The following OLFM3 variants were observed in gnomAD, a reference collection of about 807,000 sequenced individuals.
OLFM3 encodes olfactomedin 3, also known as noelin-3.
OLFM3 carries 20 observed loss-of-function variants against 48.6 expected under a neutral mutation model. The ratio of observed to expected loss-of-function variants is 0.41; its 90% CI spans 0.29 to 0.60. The LOEUF (loss-of-function observed/expected upper bound fraction) is 0.60, where lower values mean the gene tolerates loss of function less well. Ranked by LOEUF, OLFM3 falls within the 20% of genes least tolerant of loss-of-function variation. OLFM3 has a pLI of 0.28. For synonymous variants in OLFM3, 222 were observed against 198.1 expected (o/e 1.12, Z -1.01); for missense variants, 437 against 544.3 (o/e 0.80, Z 1.96).
intron 1 of OLFM3, among the ~76,000 whole-genome samples, chr1:101,894,209 A>T (rs1658109314): frequency 6.6e-6 from 1 of 152,168 alleles, no homozygotes; most frequent in African/African-American, 2.4e-5. Context: ...CAATTTTTTT[A>T]AAAGTTGACA....
intron 1 of OLFM3, among the ~76,000 whole-genome samples, chr1:101,864,585 T>A (rs1055815707): frequency 2.0e-5 from 3 of 152,228 alleles, no homozygotes; most frequent in African/African-American, 7.2e-5. Context: ...GTTTGAGGGG[T>A]ATGCCATAAC....
chr1:101,967,559 G>C (rs541406524), intron 1 of OLFM3, among the ~76,000 whole-genome samples: 13 of 126,182 alleles, frequency 1.0e-4, no homozygotes, highest in Non-Finnish European at 1.4e-4. Context: ...ACTGCTCGAG[G>C]TCCTGCCTTT....
chr1:101,961,073 T>C (rs2101083586), intron 1 of OLFM3, among the ~76,000 whole-genome samples: 1 of 152,292 alleles, frequency 6.6e-6, no homozygotes, highest in Middle Eastern at 3.4e-3. Flanking sequence ...CTCTAGGAGA[T>C]GTCTTTTTAG....
In OLFM3 at chr1:101,803,019, T is replaced by C. The variant is rs1344255149; in HGVS notation, c.*1219A>G. On this transcript the variant is annotated 3_prime_UTR_variant, in exon 6 of 6. Transcript: ENST00000370103. ...TGAATCAAGGTAACAAGGGGTCGTT[T>C]TTCCATTTTGTTTTCTGAATTGGTT... 2 of 151,918 alleles carry C rather than the reference T, an allele frequency of 1.3e-5. No homozygotes were observed. The highest frequency in any genetic ancestry group is 1.3e-4 in the Admixed American group (2 of 15,172). 9.4% of individuals were successfully genotyped at this position (151,918 alleles called of 1,614,324 possible). A position where few individuals can be genotyped will look rare whatever the true frequency, so the allele number is the denominator to read the frequency against.
chr1:101,966,659 CA>C (rs1238894206), intron 1 of OLFM3, among the ~76,000 whole-genome samples: 1 of 151,980 alleles, frequency 6.6e-6, no homozygotes, highest in Non-Finnish European at 1.5e-5. Flanking sequence ...GACAGAAAAC[CA>C]ATCAGTTAGA....
chr1:101,840,657 G>A (rs1287647373), intron 1 of OLFM3, among the ~76,000 whole-genome samples: 1 of 151,954 alleles, frequency 6.6e-6, no homozygotes, highest in African/African-American at 2.4e-5. Context: ...CTTTTTTGGT[G>A]ATGGGGTTTT....
chr1:101,823,809 G>C (rs375621470), intron 4 of OLFM3, among the ~76,000 whole-genome samples: 3 of 151,996 alleles, frequency 2.0e-5, no homozygotes, highest in Non-Finnish European at 2.9e-5. Flanking sequence ...ATAAAGAACT[G>C]AGGATTCTTG....
chr1:101,850,126 G>A (rs1656165230), intron 1 of OLFM3, among the ~76,000 whole-genome samples: 1 of 140,506 alleles, frequency 7.1e-6, no homozygotes, highest in Non-Finnish European at 1.5e-5. Flanking sequence ...TACTTATACA[G>A]TCCTTCAAAA....
intron 1 of OLFM3, among the ~76,000 whole-genome samples, chr1:101,905,808 C>A (rs1045317136): frequency 2.0e-5 from 3 of 152,100 alleles, no homozygotes; most frequent in African/African-American, 4.8e-5. Flanking sequence ...CCCAAATTTA[C>A]CTTTAAAGTT....
Position 101,830,842 on chromosome 1 carries a change from T to C in OLFM3, c.217-15A>G, listed in dbSNP as rs1354165971. On this transcript the variant is annotated splice_polypyrimidine_tract_variant and intron_variant, in intron 2 of 5. Transcript: ENST00000370103. ...ATGTTCTGAACCTGTTGAACAAGAA[T>C]ATTGTCTGTACATTATTATCTGTTT... 3.1e-6 allele frequency: 5 copies of C among 1,610,428 alleles called. No individual in the cohort carries two copies. In the African/African-American group the frequency reaches 4.0e-5, roughly 13 times the overall value.
intron 1 of OLFM3, among the ~76,000 whole-genome samples, chr1:101,922,373 A>G (rs186642087): frequency 1.3e-5 from 2 of 152,308 alleles, no homozygotes; most frequent in Admixed American, 1.3e-4. Context: ...TCTGACTCCA[A>G]CCTGTGCTTT....
chr1:101,935,879 T>C (rs1461849649), intron 1 of OLFM3, among the ~76,000 whole-genome samples: 1 of 152,100 alleles, frequency 6.6e-6, no homozygotes, highest in African/African-American at 2.4e-5. Context: ...AACCACATGA[T>C]CACCTTAATA....
chr1:101,869,065 G>A (rs2100973461), intron 1 of OLFM3, among the ~76,000 whole-genome samples: 1 of 152,342 alleles, frequency 6.6e-6, no homozygotes, highest in Admixed American at 6.5e-5. Flanking sequence ...CACTGTGGAA[G>A]GAAAATGTGG....
At chr1:101,806,508 A>G (rs1003081676) in intron 4 of OLFM3, among the ~76,000 whole-genome samples, 5 of 151,828 alleles carry the variant, frequency 3.3e-5, no homozygotes, top group Non-Finnish European at 5.9e-5. Flanking sequence ...AAAAAGTTAG[A>G]CAAATGAAGC....
At chr1:101,988,254 A>G (rs1181499286) in intron 1 of OLFM3, among the ~76,000 whole-genome samples, 1 of 152,166 alleles carries the variant, frequency 6.6e-6, no homozygotes, top group Non-Finnish European at 1.5e-5. Flanking sequence ...CATTAATGAA[A>G]TGTTTGGACT....
intron 1 of OLFM3, among the ~76,000 whole-genome samples, chr1:101,943,164 A>C (rs1419046896): frequency 6.6e-6 from 1 of 152,228 alleles, no homozygotes; most frequent in Non-Finnish European, 1.5e-5. Flanking sequence ...ATTAATGTTC[A>C]TAAAAATTGA....
intron 1 of OLFM3, among the ~76,000 whole-genome samples, chr1:101,906,352 T>A (rs546209104): frequency 1.4e-4 from 22 of 152,132 alleles, no homozygotes; most frequent in Non-Finnish European, 3.1e-4. Flanking sequence ...TATGTCTCAA[T>A]ATTTTCAGCT....
intron 1 of OLFM3, among the ~76,000 whole-genome samples, chr1:101,940,549 A>G (rs1659760753): frequency 1.3e-5 from 2 of 151,536 alleles, no homozygotes; most frequent in South Asian, 2.1e-4. Flanking sequence ...CTATGTATCT[A>G]TCTATCTATC....
intron 1 of OLFM3, among the ~76,000 whole-genome samples, chr1:101,922,256 T>A (rs1290259037): frequency 1.3e-5 from 2 of 152,212 alleles, no homozygotes; most frequent in Non-Finnish European, 2.9e-5. Flanking sequence ...GTTCTTATTA[T>A]TACTAAATTA....
Sources: allele counts gnomAD v4.1 joint callset (sites outside exome capture counted in the v4.1 genomes callset), GRCh38; gene constraint gnomAD v4.1.1; transcripts MANE v1.5; gene names NCBI Gene and HGNC (gene_info 2026-07-23, HGNC 2026-07-21).